Variants in CLSTN2 observed in about 807,000 individuals in gnomAD.
CLSTN2 encodes the protein calsyntenin 2, also known as calsyntenin-2.
Under a neutral mutation model 101.2 loss-of-function variants are expected in CLSTN2, and 48 were observed. That is an observed-to-expected ratio of 0.47 (90% CI 0.38 to 0.60). The LOEUF (loss-of-function observed/expected upper bound fraction) is 0.60. CLSTN2 is among the 20% of genes least tolerant of loss of function. CLSTN2 has a pLI of 0.00. For synonymous variants in CLSTN2, 481 were observed against 463.6 expected (o/e 1.04, Z -0.48); for missense variants, 1,160 against 1,238.2 (o/e 0.94, Z 0.95).
intron 2 of CLSTN2, among the ~76,000 whole-genome samples, chr3:140,263,059 C>A (rs576827673): frequency 5.7e-4 from 85 of 149,602 alleles, no homozygotes; most frequent in Middle Eastern, 3.5e-3. Flanking sequence ...CCCAAAAAAA[C>A]CCCCAAGAGC....
At chr3:140,512,251 C>T (rs1934828537) in intron 8 of CLSTN2, among the ~76,000 whole-genome samples, 1 of 152,072 alleles carries the variant, frequency 6.6e-6, no homozygotes, top group Non-Finnish European at 1.5e-5. Flanking sequence ...GGGTTTTCTT[C>T]TAGGGTTTTT....
chr3:140,511,541 C>CTT lies in CLSTN2; in HGVS notation c.1345-20758_1345-20757dup, dbSNP rs59924727. Among the ~76,000 whole-genome samples the CTT allele has an allele frequency of 5.9e-4, 42 of 70,882 alleles. 4 individuals carry two copies. Among genetic ancestry groups the CTT allele is most frequent in the East Asian group, 1.6e-3 (4 of 2,494 alleles). The allele number at this position is 70,882 out of a possible 152,430, so 46.5% of individuals were successfully genotyped here. ...TGTGCCAGTATCTGCTGTTTCTGGA[C>CTT]TTTTTTTTTTTTTTTTTTTTTTTTT... On this transcript the variant is annotated intron_variant, in intron 8 of 16. Transcript: ENST00000458420.
chr3:140,310,856 G>A (rs2087160534), intron 2 of CLSTN2, among the ~76,000 whole-genome samples: 1 of 152,296 alleles, frequency 6.6e-6, no homozygotes, highest in South Asian at 2.1e-4. Flanking sequence ...AAAAATTTAT[G>A]TATTCGTTAT....
chr3:140,022,237 G>A (rs2007333610), intron 1 of CLSTN2, among the ~76,000 whole-genome samples: 1 of 152,200 alleles, frequency 6.6e-6, no homozygotes, highest in Admixed American at 6.5e-5. Context: ...GACTCTAGCT[G>A]GAGCCTGGCA....
chr3:140,010,562 G>A (rs1178021125), intron 1 of CLSTN2, among the ~76,000 whole-genome samples: 1 of 152,148 alleles, frequency 6.6e-6, no homozygotes, highest in African/African-American at 2.4e-5. Flanking sequence ...AACATCCTAG[G>A]AAGGACTCTG....
intron 1 of CLSTN2, among the ~76,000 whole-genome samples, chr3:139,958,061 C>T (rs1013336194): frequency 1.3e-5 from 2 of 152,332 alleles, no homozygotes; most frequent in East Asian, 1.9e-4. Flanking sequence ...CAGAGCTCAA[C>T]AACACAGGGC....
intron 2 of CLSTN2, among the ~76,000 whole-genome samples, chr3:140,214,453 T>TTA (rs1553722687): frequency 2.7e-5 from 4 of 150,294 alleles, no homozygotes; most frequent in Non-Finnish European, 5.9e-5. Context: ...GACTCTGTCT[T>TTA]AAAAAAAAAG....
Position 140,421,277 on chromosome 3 carries a change from G to T in CLSTN2, c.787+3G>T. 6.2e-7 allele frequency: 1 copy of T among 1,614,042 alleles called. No individual in the cohort carries two copies. Among genetic ancestry groups the T allele is most frequent in the Non-Finnish European group, 8.5e-7 (1 of 1,179,980 alleles). ...AGTTTGCAAGCCTGGCTGGCAAGGT[G>T]GGCCTGTTTTATCAGTCTTGTGTGA... On this transcript the variant is annotated splice_donor_region_variant and intron_variant, in intron 5 of 16. Coordinates refer to ENST00000458420, the MANE Select transcript of CLSTN2 (RefSeq NM_022131.3).
At chr3:140,523,673 T>C (rs1055054269) in intron 8 of CLSTN2, among the ~76,000 whole-genome samples, 1 of 152,080 alleles carries the variant, frequency 6.6e-6, no homozygotes, top group Non-Finnish European at 1.5e-5. Context: ...ATTAGAAGGG[T>C]TCCCTTATTT....
chr3:140,022,301 C>A (rs2007334723), intron 1 of CLSTN2, among the ~76,000 whole-genome samples: 1 of 152,190 alleles, frequency 6.6e-6, no homozygotes, highest in South Asian at 2.1e-4. Flanking sequence ...CTGAGCCATC[C>A]CTGCGTATAG....
intron 1 of CLSTN2, among the ~76,000 whole-genome samples, chr3:140,083,382 A>G (rs1175046165): frequency 6.6e-6 from 1 of 152,210 alleles, no homozygotes; most frequent in Non-Finnish European, 1.5e-5. Flanking sequence ...TTCAAAGTAA[A>G]TGTCTAAAAA....
chr3:140,412,988 A>T (rs1342852649), intron 4 of CLSTN2, among the ~76,000 whole-genome samples: 1 of 152,218 alleles, frequency 6.6e-6, no homozygotes, highest in African/African-American at 2.4e-5. Context: ...ACGTCAAGGA[A>T]CTAGAACAAG....
intron 1 of CLSTN2, among the ~76,000 whole-genome samples, chr3:140,052,939 C>G (rs1400711955): frequency 6.6e-6 from 1 of 152,190 alleles, no homozygotes; most frequent in Admixed American, 6.5e-5. Flanking sequence ...CATTGTTTCT[C>G]CCCCATGCAG....
chr3:140,268,664 T>C (rs766264304), intron 2 of CLSTN2, among the ~76,000 whole-genome samples: 3 of 152,216 alleles, frequency 2.0e-5, no homozygotes, highest in East Asian at 1.9e-4. Flanking sequence ...GCTAACTCAG[T>C]ATCCAGCCAC....
chr3:140,397,379 A>C (rs980268081), intron 2 of CLSTN2, among the ~76,000 whole-genome samples: 6 of 152,210 alleles, frequency 3.9e-5, no homozygotes, highest in African/African-American at 1.4e-4. Flanking sequence ...AGTACACCAG[A>C]GCTCCACAAA....
chr3:140,438,002 A>T (rs1325039281), intron 5 of CLSTN2, among the ~76,000 whole-genome samples: 6 of 152,138 alleles, frequency 3.9e-5, no homozygotes, highest in Admixed American at 3.9e-4. Context: ...GTCCCCTTCT[A>T]TAGGTGTATC....
intron 1 of CLSTN2, among the ~76,000 whole-genome samples, chr3:140,109,288 T>C (rs1444007965): frequency 6.6e-6 from 1 of 152,100 alleles, no homozygotes; most frequent in Non-Finnish European, 1.5e-5. Context: ...GGTATTACTG[T>C]AGAGAATCAT....
chr3:140,325,531 A>T (rs1248032291), intron 2 of CLSTN2, among the ~76,000 whole-genome samples: 2 of 152,224 alleles, frequency 1.3e-5, no homozygotes, highest in African/African-American at 4.8e-5. Flanking sequence ...GTTCCTCTTC[A>T]AAGACTTTCC....
intron 1 of CLSTN2, among the ~76,000 whole-genome samples, chr3:140,073,286 CA>C (rs1322612990): frequency 6.6e-6 from 1 of 152,134 alleles, no homozygotes; most frequent in Non-Finnish European, 1.5e-5. Context: ...GGGATTATCC[CA>C]ACTCCAAAAA....
Sources: allele counts gnomAD v4.1 joint callset (sites outside exome capture counted in the v4.1 genomes callset), GRCh38; gene constraint gnomAD v4.1.1; transcripts MANE v1.5; gene names NCBI Gene and HGNC (gene_info 2026-07-23, HGNC 2026-07-21).